ZDHHC14: variants seen among roughly 807,000 people sequenced by gnomAD.
ZDHHC14 encodes palmitoyltransferase ZDHHC14.
ZDHHC14 carries 16 observed loss-of-function variants against 47.7 expected under a neutral mutation model. The ratio of observed to expected loss-of-function variants is 0.34; its 90% CI spans 0.23 to 0.51. The LOEUF (loss-of-function observed/expected upper bound fraction) is 0.51, where lower values mean the gene tolerates loss of function less well. ZDHHC14 is among the 20% of genes least tolerant of loss of function. ZDHHC14 has a pLI of 0.97. For missense variants in ZDHHC14, 515 were observed against 662.5 expected, an observed-to-expected ratio of 0.78 and a Z score of 2.44; for synonymous variants, 293 against 278.9, an observed-to-expected ratio of 1.05 and a Z score of -0.50.
intron 8 of ZDHHC14, among the ~76,000 whole-genome samples, chr6:157,670,469 T>G (rs1003572210): frequency 6.6e-6 from 1 of 152,148 alleles, no homozygotes; most frequent in South Asian, 2.1e-4. Context: ...AATTTTTGTA[T>G]TTTTTGTAGA....
rs1331567661 is a variant in ZDHHC14 at position 157,593,025 on chromosome 6, G to A, written c.444G>A (p.Pro148=). 23 of 1,613,884 alleles carry A rather than the reference G, an allele frequency of 1.4e-5. No individual in the cohort carries two copies. The highest frequency in any genetic ancestry group is 1.8e-5 in the Non-Finnish European group (21 of 1,179,948). The change falls in exon 3 of 9, where the codon CCG becomes CCA. Residue 148 remains proline, a synonymous_variant. Coordinates refer to ENST00000359775, the MANE Select transcript of ZDHHC14 (RefSeq NM_024630.3). ...ANGTSSGGYR[P]PPRTKEVIIN... is the part of the protein sequence containing the mutation. ...GCACCAGTTCAGGGGGGTACCGCCC[G>A]CCTCCCAGAACCAAAGAAGTCATCA...
At chr6:157,531,237 C>T (rs887005522) in intron 1 of ZDHHC14, among the ~76,000 whole-genome samples, 10 of 152,114 alleles carry the variant, frequency 6.6e-5, no homozygotes, top group Non-Finnish European at 1.5e-4. Context: ...TATCATGTAG[C>T]AGTGTGTGAG....
intron 1 of ZDHHC14, among the ~76,000 whole-genome samples, chr6:157,493,097 T>C (rs1156495257): frequency 6.6e-6 from 1 of 152,166 alleles, no homozygotes; most frequent in Non-Finnish European, 1.5e-5. Flanking sequence ...ACTGAGGTGC[T>C]ACTGCAATGA....
chr6:157,477,892 G>A (rs760266801), intron 1 of ZDHHC14, among the ~76,000 whole-genome samples: 1 of 152,132 alleles, frequency 6.6e-6, no homozygotes, highest in Non-Finnish European at 1.5e-5. Flanking sequence ...GTATATTTGA[G>A]TTTTGTCATA....
At chr6:157,542,502 G>A (rs1203581646) in intron 1 of ZDHHC14, 83 bp from the exon 2 acceptor site, 1 of 1,492,078 alleles carries the variant, frequency 6.7e-7, no homozygotes, top group East Asian at 2.3e-5. Flanking sequence ...TTTCTTAGAA[G>A]ATAAAGACTG....
chr6:157,539,912 TC>T (rs1781683230), intron 1 of ZDHHC14, among the ~76,000 whole-genome samples: 1 of 152,192 alleles, frequency 6.6e-6, no homozygotes, highest in African/African-American at 2.4e-5. Flanking sequence ...GACAAGGACT[TC>T]CTATTACCTT....
chr6:157,625,849 A>G (rs1051663416), intron 3 of ZDHHC14, among the ~76,000 whole-genome samples: 6 of 152,032 alleles, frequency 3.9e-5, no homozygotes, highest in African/African-American at 1.4e-4. Flanking sequence ...TTTCAATACA[A>G]GTTTCTAGAC....
At chr6:157,545,142 A>G (rs1781921511) in intron 2 of ZDHHC14, among the ~76,000 whole-genome samples, 1 of 152,258 alleles carries the variant, frequency 6.6e-6, no homozygotes, top group Non-Finnish European at 1.5e-5. Flanking sequence ...AAAATGTCAA[A>G]GAAAGCACAA....
intron 1 of ZDHHC14, among the ~76,000 whole-genome samples, chr6:157,469,423 A>G (rs927649193): frequency 7.2e-5 from 11 of 152,222 alleles, no homozygotes; most frequent in African/African-American, 2.4e-4. Context: ...TTATGAAGGA[A>G]GCTGCCTATA....
chr6:157,421,199 G>T (rs536027530), intron 1 of ZDHHC14, among the ~76,000 whole-genome samples: 14 of 151,992 alleles, frequency 9.2e-5, no homozygotes, highest in Non-Finnish European at 1.8e-4. Context: ...TTTTCCATAA[G>T]TCAAGATAGA....
chr6:157,580,675 T>C (rs1783480745), intron 2 of ZDHHC14, among the ~76,000 whole-genome samples: 1 of 151,918 alleles, frequency 6.6e-6, no homozygotes, highest in African/African-American at 2.4e-5. Context: ...TTTGTCTGCA[T>C]AGAGGTGTTC....
intron 1 of ZDHHC14, among the ~76,000 whole-genome samples, chr6:157,490,402 C>T (rs1779885053): frequency 6.6e-6 from 1 of 152,124 alleles, no homozygotes. Flanking sequence ...CTCAAGCCAC[C>T]GGGTCAGCAG....
intron 1 of ZDHHC14, among the ~76,000 whole-genome samples, chr6:157,506,979 A>G (rs923484897): frequency 1.3e-5 from 2 of 152,112 alleles, no homozygotes; most frequent in Non-Finnish European, 2.9e-5. Flanking sequence ...AAAGACTTAT[A>G]ACCAAAACCA....
At chr6:157,632,756 A>G in intron 4 of ZDHHC14, 78 bp from the exon 5 acceptor site, 1 of 1,317,700 alleles carries the variant, frequency 7.6e-7, no homozygotes, top group South Asian at 1.2e-5. Flanking sequence ...GCCATCTATT[A>G]TTTTTTTGTA....
intron 1 of ZDHHC14, among the ~76,000 whole-genome samples, chr6:157,423,808 G>A (rs1452424301): frequency 6.6e-6 from 1 of 152,194 alleles, no homozygotes; most frequent in African/African-American, 2.4e-5. Flanking sequence ...CTGTGGATTT[G>A]GAGGATGGCA....
intron 2 of ZDHHC14, among the ~76,000 whole-genome samples, chr6:157,588,950 C>A (rs1582984435): frequency 6.6e-6 from 1 of 152,004 alleles, no homozygotes; most frequent in South Asian, 2.1e-4. Context: ...TTGGAGCAGG[C>A]CTTCTCATCT....
intron 2 of ZDHHC14, among the ~76,000 whole-genome samples, chr6:157,569,520 A>G (rs1475305239): frequency 6.6e-6 from 1 of 152,032 alleles, no homozygotes; most frequent in Non-Finnish European, 1.5e-5. Context: ...ATTTCCCCTT[A>G]TTATTTTACT....
At position 157,628,504 on chromosome 6, in the gene ZDHHC14, A is replaced by T. The variant is rs1409594855; in HGVS notation, c.703+18A>T. 4 of 1,607,322 alleles carry T rather than the reference A, an allele frequency of 2.5e-6. No individual in the cohort carries two copies. The Admixed American group carries it at 5.2e-5, about 21-fold the overall frequency. On this transcript the variant is annotated intron_variant, in intron 4 of 8. Coordinates refer to ENST00000359775, the MANE Select transcript of ZDHHC14 (RefSeq NM_024630.3). ...CATTCTTCGTAAGTATGCTGGCGAA[A>T]TCAGATTACGTATGTAACCATTTGC...
rs112890106 is a variant in ZDHHC14 at position 157,550,933 on chromosome 6, A to G, written c.406+8188A>G. On this transcript the variant is annotated intron_variant, in intron 2 of 8. Coordinates refer to ENST00000359775, the MANE Select transcript of ZDHHC14 (RefSeq NM_024630.3). ...ATAATCAGTTCTTATATACAGGGCC[A>G]TGGAAGGGGAAGGATGATGGCATAA... 2.4e-3 allele frequency among the ~76,000 whole-genome samples: 359 copies of G among 152,330 alleles called. 3 individuals carry two copies. Among genetic ancestry groups the G allele is most frequent in the African/African-American group, 8.4e-3 (349 of 41,574 alleles).
Sources: allele counts gnomAD v4.1 joint callset (sites outside exome capture counted in the v4.1 genomes callset), GRCh38; gene constraint gnomAD v4.1.1; transcripts MANE v1.5; gene names NCBI Gene and HGNC (gene_info 2026-07-23, HGNC 2026-07-21).